The following RCHY1 variants were observed in gnomAD, a reference collection of about 807,000 sequenced individuals.
The protein encoded by RCHY1 is ring finger and CHY zinc finger domain containing 1, also known as RING finger and CHY zinc finger domain-containing protein 1.
A neutral mutation model predicts 41.6 loss-of-function variants in RCHY1; 21 were observed. That is an observed-to-expected ratio of 0.51 (90% CI 0.36 to 0.73). The LOEUF (loss-of-function observed/expected upper bound fraction) is 0.73, where lower values mean the gene tolerates loss of function less well. Ranked by LOEUF, RCHY1 falls within the 30% of genes least tolerant of loss-of-function variation. RCHY1 has a pLI of 0.00. For synonymous variants in RCHY1, 79 were observed against 102.9 expected (o/e 0.77, Z 1.41); for missense variants, 265 against 325.3 (o/e 0.81, Z 1.43).
chr4:75,482,846 G>A (rs1449786084), intron 8 of RCHY1, among the ~76,000 whole-genome samples, 180 bp from the exon 9 acceptor site: 1 of 151,262 alleles, frequency 6.6e-6, no homozygotes, highest in Non-Finnish European at 1.5e-5. Flanking sequence ...AGCTATTAAG[G>A]TGGCTCTGAA....
intron 4 of RCHY1, among the ~76,000 whole-genome samples, 185 bp from the exon 5 acceptor site, chr4:75,492,118 G>A (rs1722806860): frequency 6.6e-6 from 1 of 151,732 alleles, no homozygotes; most frequent in Non-Finnish European, 1.5e-5. Context: ...TTTCAGGCTT[G>A]GCATATTATC....
At chr4:75,494,899 T>C (rs1723046950) in intron 3 of RCHY1, among the ~76,000 whole-genome samples, 1 of 151,972 alleles carries the variant, frequency 6.6e-6, no homozygotes, top group African/African-American at 2.4e-5. Flanking sequence ...TTAATTTGCA[T>C]TTCACAAATA....
chr4:75,493,088 T>C (rs1329308658), intron 4 of RCHY1, among the ~76,000 whole-genome samples: 1 of 151,938 alleles, frequency 6.6e-6, no homozygotes, highest in Non-Finnish European at 1.5e-5. Context: ...ATCATAGAAA[T>C]GTAATCTATA....
intron 3 of RCHY1, among the ~76,000 whole-genome samples, chr4:75,499,411 A>AT (rs1723526186): frequency 6.6e-6 from 1 of 152,228 alleles, no homozygotes; most frequent in Non-Finnish European, 1.5e-5. Context: ...ATGATCCAGC[A>AT]AGTCCACTAA....
intron 8 of RCHY1, among the ~76,000 whole-genome samples, chr4:75,484,317 T>C (rs1721800877): frequency 1.3e-5 from 2 of 152,116 alleles, no homozygotes; most frequent in African/African-American, 4.8e-5. Flanking sequence ...GCTATCCAAG[T>C]TTTTTTGAAC....
chr4:75,498,747 T>A (rs1033803636), intron 3 of RCHY1, among the ~76,000 whole-genome samples: 6 of 152,122 alleles, frequency 3.9e-5, no homozygotes, highest in Admixed American at 3.3e-4. Context: ...TGCAGAAGCA[T>A]GAAACTAGAT....
chr4:75,504,281 A>G (rs538414432), intron 3 of RCHY1, among the ~76,000 whole-genome samples: 1 of 152,246 alleles, frequency 6.6e-6, no homozygotes, highest in South Asian at 2.1e-4. Context: ...CCCTTGAACA[A>G]CACAAATTTG....
rs1365756426 is a variant in RCHY1 at position 75,485,573 on chromosome 4, A to G, written c.658-2907T>C. ...ATTTTTTCCTTGGTTTGAGCAAATG[A>G]TGGTACAATATTTACGTCTAAAGTC... On this transcript the variant is annotated intron_variant, in intron 8 of 8. Transcript: ENST00000324439. 3.3e-5 allele frequency among the ~76,000 whole-genome samples: 5 copies of G among 152,168 alleles called. No homozygotes were observed. In the East Asian group the frequency reaches 7.7e-4, roughly 23 times the overall value.
At chr4:75,505,976 C>G (rs916275134) in intron 3 of RCHY1, among the ~76,000 whole-genome samples, 7 of 151,882 alleles carry the variant, frequency 4.6e-5, no homozygotes, top group Admixed American at 3.3e-4. Context: ...TGAAAGTACT[C>G]CTATGCTAGG....
At position 75,487,280 on chromosome 4, in the gene RCHY1, G is replaced by C. The variant is rs112229643; in HGVS notation, c.657+3301C>G. On this transcript the variant is annotated intron_variant, in intron 8 of 8. Coordinates refer to ENST00000324439, the MANE Select transcript of RCHY1 (RefSeq NM_015436.4). ...CAGTTAAATATTTTTGTTTACTTTT[G>C]GGTAAATTTCAAACAATAAAAAGAG... 7.1e-5 allele frequency among the ~76,000 whole-genome samples: 10 copies of C among 141,542 alleles called. No individual in the cohort carries two copies. The South Asian group carries it at 2.2e-3, about 31-fold the overall frequency. 92.9% of individuals were successfully genotyped at this position (141,542 alleles called of 152,430 possible).
chr4:75,491,839 T>C (rs369645169), intron 5 of RCHY1, 50 bp downstream of exon 5: 182 of 1,602,598 alleles, frequency 1.1e-4, no homozygotes, highest in Non-Finnish European at 1.5e-4. Flanking sequence ...ATCCAAGTAT[T>C]TTAAATTCAA....
At chr4:75,504,070 T>C (rs983747219) in intron 3 of RCHY1, among the ~76,000 whole-genome samples, 4 of 152,232 alleles carry the variant, frequency 2.6e-5, no homozygotes, top group Non-Finnish European at 5.9e-5. Context: ...TGTACAGAAG[T>C]AATGATAAGC....
intron 8 of RCHY1, among the ~76,000 whole-genome samples, chr4:75,487,640 T>C (rs373795131): frequency 1.0e-4 from 4 of 39,072 alleles, no homozygotes; most frequent in African/African-American, 6.0e-4. Context: ...AATATATATA[T>C]TCATATATAT....
chr4:75,490,167 A>C (rs1293880400), intron 8 of RCHY1, among the ~76,000 whole-genome samples: 2 of 152,156 alleles, frequency 1.3e-5, no homozygotes, highest in Non-Finnish European at 2.9e-5. Context: ...AGGGTAATAA[A>C]CACTAAAAAC....
chr4:75,493,032 G>T (rs1349154975), intron 4 of RCHY1, among the ~76,000 whole-genome samples: 2 of 151,968 alleles, frequency 1.3e-5, no homozygotes, highest in South Asian at 4.1e-4. Flanking sequence ...AGGATGCAAT[G>T]AATTAGTGTG....
chr4:75,494,038 G>A, intron 4 of RCHY1, 63 bp downstream of exon 4: 1 of 930,820 alleles, frequency 1.1e-6, no homozygotes, highest in Non-Finnish European at 1.6e-6. Context: ...AAACATATTA[G>A]AAGTTAAGCT....
chr4:75,494,781 T>C (rs973019432), intron 3 of RCHY1, among the ~76,000 whole-genome samples: 2 of 151,158 alleles, frequency 1.3e-5, no homozygotes, highest in Admixed American at 6.6e-5. Flanking sequence ...GACCTCCAAA[T>C]AGACAGTACC....
intron 1 of RCHY1, among the ~76,000 whole-genome samples, chr4:75,512,902 A>AGGGGGG (rs33923711): frequency 9.3e-5 from 9 of 96,598 alleles, no homozygotes; most frequent in Non-Finnish European, 1.5e-4. Context: ...CTGGTATTTA[A>AGGGGGG]GGGGGGGGGG....
chr4:75,505,498 G>A (rs1018317911), intron 3 of RCHY1, among the ~76,000 whole-genome samples: 1 of 152,168 alleles, frequency 6.6e-6, no homozygotes, highest in African/African-American at 2.4e-5. Flanking sequence ...TTTCTTGGTT[G>A]TGTGTGGTAA....
Sources: allele counts gnomAD v4.1 joint callset (sites outside exome capture counted in the v4.1 genomes callset), GRCh38; gene constraint gnomAD v4.1.1; transcripts MANE v1.5; gene names NCBI Gene and HGNC (gene_info 2026-07-23, HGNC 2026-07-21).